Variants in PPP1R12A observed in about 807,000 individuals in gnomAD.
PPP1R12A encodes the protein protein phosphatase 1 regulatory subunit 12A.
PPP1R12A carries 19 observed loss-of-function variants against 139.6 expected under a neutral mutation model. That is an observed-to-expected ratio of 0.14 (90% confidence interval 0.09 to 0.20). The LOEUF is 0.20. Among genes scored for constraint, PPP1R12A ranks in the 10% least tolerant of loss-of-function variants. The probability of loss-of-function intolerance (pLI) is 1.00; values close to 1 mark genes in which losing one functional copy is unlikely to be tolerated. For synonymous variants in PPP1R12A, 427 were observed against 420.6 expected, an observed-to-expected ratio of 1.02 and a Z score of -0.19; for missense variants, 925 against 1,211.5, an observed-to-expected ratio of 0.76 and a Z score of 3.51.
chr12:79,801,345 CAAAAAAAAAAAAAAAAAAAAA>C (rs201977462), intron 14 of PPP1R12A, among the ~76,000 whole-genome samples: 30 of 20,188 alleles, frequency 1.5e-3, no homozygotes, highest in South Asian at 3.0e-3. Context: ...AACTCTGTCT[CAAAAAAAAAAAAAAAAAAAAA>C]AAAAAAAAAA....
chr12:79,870,469 C>T (rs760252455), intron 2 of PPP1R12A, among the ~76,000 whole-genome samples: 3 of 152,132 alleles, frequency 2.0e-5, no homozygotes, highest in African/African-American at 4.8e-5. Flanking sequence ...ATCACCTTAA[C>T]AAATCATCCA....
chr12:79,780,419 A>G (rs1870294581), intron 23 of PPP1R12A: 1 of 152,088 alleles, frequency 6.6e-6, no homozygotes, highest in South Asian at 2.1e-4. Flanking sequence ...AGGTTAGGTG[A>G]GCTTGTCAGA....
At chr12:79,911,365 G>A (rs551344119) in intron 1 of PPP1R12A, among the ~76,000 whole-genome samples, 1 of 152,174 alleles carries the variant, frequency 6.6e-6, no homozygotes, top group African/African-American at 2.4e-5. Flanking sequence ...ACCAAATACT[G>A]CATGTTCTCA....
At position 79,809,879 on chromosome 12, in the gene PPP1R12A, C is replaced by G. The variant is rs1266957266; in HGVS notation, c.1371G>C (p.Glu457Asp). Residue 457 changes from glutamate (E) to aspartate (D), a missense_variant, in exon 10 of 25, where the codon GAG (glutamate) becomes GAC (aspartate). By Grantham distance (45) the Glu-to-Asp change is conservative (BLOSUM62 2). Transcript: ENST00000450142. ...CTGCAGTATCTTTTTCTTTCTGACC[C>G]TCTTTAGATGCTGTGATTTCAGCAA... The part of the protein sequence containing the change: ...GALAEITASK[E>D]GQKEKDTAGV... The G allele has an allele frequency of 6.2e-7, 1 of 1,613,586 alleles. No individual in the cohort carries two copies. Among genetic ancestry groups the G allele is most frequent in the Admixed American group, 1.7e-5 (1 of 59,934 alleles).
At chr12:79,919,584 C>T (rs191462085) in intron 1 of PPP1R12A, among the ~76,000 whole-genome samples, 27 of 152,086 alleles carry the variant, frequency 1.8e-4, no homozygotes, top group East Asian at 1.5e-3. Context: ...TCTCCCCTCC[C>T]CCAATCTAGG....
intron 5 of PPP1R12A, among the ~76,000 whole-genome samples, chr12:79,823,549 T>C (rs1162502521): frequency 6.6e-6 from 1 of 151,818 alleles, no homozygotes; most frequent in African/African-American, 2.4e-5. Context: ...AGTTTTCCCA[T>C]TGTCTGTTAA....
intron 3 of PPP1R12A, among the ~76,000 whole-genome samples, chr12:79,836,230 T>C (rs1213364336): frequency 6.6e-6 from 1 of 152,202 alleles, no homozygotes; most frequent in Admixed American, 6.5e-5. Flanking sequence ...TATCAAAAAT[T>C]TCCCACCAAA....
intron 2 of PPP1R12A, among the ~76,000 whole-genome samples, chr12:79,852,249 G>A (rs2656030): frequency 0.078 from 11,646 of 148,744 alleles, 758 homozygotes; most frequent in East Asian, 0.33. Context: ...GGAGTGCAGT[G>A]GCATGATCAC....
chr12:79,878,815 T>TG (rs1394488884), intron 1 of PPP1R12A, among the ~76,000 whole-genome samples: 1 of 152,118 alleles, frequency 6.6e-6, no homozygotes, highest in African/African-American at 2.4e-5. Context: ...TACCTCCCAC[T>TG]GGGTCCCTCC....
At chr12:79,803,859 T>C in intron 14 of PPP1R12A, among the ~76,000 whole-genome samples, 1 of 152,070 alleles carries the variant, frequency 6.6e-6, no homozygotes, top group Non-Finnish European at 1.5e-5. Flanking sequence ...TAAAACTAAT[T>C]AGGACTAATT....
intron 1 of PPP1R12A, among the ~76,000 whole-genome samples, chr12:79,896,125 G>T (rs1380013046): frequency 2.0e-5 from 3 of 151,736 alleles, no homozygotes; most frequent in East Asian, 3.9e-4. Context: ...AAGAAGAAGG[G>T]GTTGTGACTG....
rs2137473764 is a variant in PPP1R12A at position 79,901,347 on chromosome 12, G to A, written c.238-28409C>T. ...TGAAGGACATTTGGGTTGTTGACAT[G>A]ACACCTGAAGGGCATCTGAGTTGTT... On this transcript the variant is annotated intron_variant, in intron 1 of 24. Transcript: ENST00000450142. 2.6e-5 allele frequency among the ~76,000 whole-genome samples: 4 copies of A among 152,258 alleles called. No individual in the cohort carries two copies. In the South Asian group the frequency reaches 8.3e-4, roughly 32 times the overall value.
At chr12:79,826,334 CG>C (rs1224889093) in intron 5 of PPP1R12A, among the ~76,000 whole-genome samples, 14 of 138,270 alleles carry the variant, frequency 1.0e-4, no homozygotes, top group African/African-American at 3.7e-4. Flanking sequence ...ACAATTGTTT[CG>C]GGTTTTTTTT....
intron 9 of PPP1R12A, among the ~76,000 whole-genome samples, chr12:79,814,493 AAAAAAAAG>A (rs1202351582): frequency 3.5e-5 from 5 of 143,410 alleles, no homozygotes; most frequent in East Asian, 4.2e-4. Context: ...AAAAAAAAAA[AAAAAAAAG>A]GACTCCCCCT....
chr12:79,788,909 AT>A, intron 20 of PPP1R12A, 126 bp from the exon 21 acceptor site: 1 of 798,992 alleles, frequency 1.3e-6, no homozygotes, highest in Non-Finnish European at 1.8e-6. Context: ...CTGTTATCTG[AT>A]TAATTTTTGT....
chr12:79,782,360 AG>A (rs1870560502), intron 22 of PPP1R12A: 1 of 245,946 alleles, frequency 4.1e-6, no homozygotes, highest in East Asian at 1.1e-4. Flanking sequence ...CTCACACTCT[AG>A]GTTTCTTTTC....
chr12:79,799,295 C>A (rs1417659960), intron 14 of PPP1R12A, among the ~76,000 whole-genome samples: 1 of 152,112 alleles, frequency 6.6e-6, no homozygotes, highest in Non-Finnish European at 1.5e-5. Context: ...ACTACCTGCA[C>A]ATACCACCAC....
chr12:79,866,296 T>C (rs968387993), intron 2 of PPP1R12A, among the ~76,000 whole-genome samples: 11 of 152,204 alleles, frequency 7.2e-5, no homozygotes, highest in Middle Eastern at 3.4e-3. Context: ...AGACCACTTC[T>C]TTACAACTTA....
chr12:79,882,896 T>C (rs911139036), intron 1 of PPP1R12A, among the ~76,000 whole-genome samples: 3 of 152,076 alleles, frequency 2.0e-5, no homozygotes, highest in African/African-American at 7.2e-5. Flanking sequence ...CCTAGCACTT[T>C]GGGAGGCCGA....
Sources: allele counts gnomAD v4.1 joint callset (sites outside exome capture counted in the v4.1 genomes callset), GRCh38; gene constraint gnomAD v4.1.1; transcripts MANE v1.5; gene names NCBI Gene and HGNC (gene_info 2026-07-23, HGNC 2026-07-21).